CDPF1: variants seen among roughly 807,000 people sequenced by gnomAD.
CDPF1 encodes cysteine rich DPF motif domain containing 1, also known as cysteine-rich DPF motif domain-containing protein 1.
CDPF1 carries 8 observed loss-of-function variants against 8.3 expected under a neutral mutation model. The observed-to-expected ratio is 0.96, with a 90% CI of 0.57 to 1.74. The LOEUF (loss-of-function observed/expected upper bound fraction) is 1.74. Among genes scored for constraint, CDPF1 ranks in the 40% most tolerant of loss-of-function variants. CDPF1 has a pLI of 0.00. For synonymous variants in CDPF1, 62 were observed against 62.9 expected, an observed-to-expected ratio of 0.99 and a Z score of 0.07; for missense variants, 151 against 155.3, an observed-to-expected ratio of 0.97 and a Z score of 0.15.
At position 46,246,516 on chromosome 22, in the gene CDPF1, G is replaced by A. The variant is rs1253668810; in HGVS notation, c.225+594C>T. On this transcript the variant is annotated intron_variant, in intron 3 of 3. Transcript: ENST00000314567. The surrounding 1 kb of genome is among the most constrained non-coding windows in gnomAD (Gnocchi z 7.1). ...TGCTCAGGGACTTCTCAGACTCTGG[G>A]GTCACTCTGAGTACACTGGGCACGC... Among the ~76,000 whole-genome samples the A allele has an allele frequency of 2.0e-5, 3 of 152,062 alleles. No individual in the cohort carries two copies. The East Asian group carries it at 5.8e-4, about 29-fold the overall frequency.
In CDPF1 at chr22:46,246,496, A is replaced by T. The variant is rs1483109967; in HGVS notation, c.225+614T>A. 6.6e-6 allele frequency among the ~76,000 whole-genome samples: 1 copy of T among 152,178 alleles called. No individual in the cohort carries two copies. The highest frequency in any genetic ancestry group is 1.5e-5 in the Non-Finnish European group (1 of 68,026). Reference sequence around the variant, plus strand: ...GTGTGTCAACCTGTGGCAGATGCTCAGGGACTTCTCAGACTCTGGGGTCAC... The same window carrying T: ...GTGTGTCAACCTGTGGCAGATGCTCTGGGACTTCTCAGACTCTGGGGTCAC... On this transcript the variant is annotated intron_variant, in intron 3 of 3. Coordinates refer to ENST00000314567, the MANE Select transcript of CDPF1 (RefSeq NM_207327.5). The surrounding 1 kb of genome is among the most constrained non-coding windows in gnomAD (Gnocchi z 7.1).
chr22:46,248,694 C>T lies in CDPF1; in HGVS notation c.1-410G>A, dbSNP rs1936529574. 6.6e-6 allele frequency among the ~76,000 whole-genome samples: 1 copy of T among 152,196 alleles called. No homozygotes were observed. The highest frequency in any genetic ancestry group is 3.2e-3 in the Middle Eastern group (1 of 316). ...CTGCTGCTCCTAGAAGCTCTATGCC[C>T]TCACATTAGTCCACACGTGGTGTGG... On this transcript the variant is annotated intron_variant, in intron 1 of 3. Transcript: ENST00000314567. This position sits in a 1 kb window ranked among gnomAD's most constrained non-coding sequence, Gnocchi z 4.1.
Position 46,246,109 on chromosome 22 carries a change from C to T in CDPF1, c.226-871G>A, listed in dbSNP as rs1458033403. 6.6e-6 allele frequency among the ~76,000 whole-genome samples: 1 copy of T among 152,222 alleles called. No individual in the cohort carries two copies. The highest frequency in any genetic ancestry group is 2.4e-5 in the African/African-American group (1 of 41,446). On this transcript the variant is annotated intron_variant, in intron 3 of 3. Coordinates refer to ENST00000314567, the MANE Select transcript of CDPF1 (RefSeq NM_207327.5). This position sits in a 1 kb window ranked among gnomAD's most constrained non-coding sequence, Gnocchi z 7.1. ...TTTTGGTGTCTGTCTGTTCTTAAAGCTTAGTGTGCTCGCAAACATAAGGCT... is the reference window on the plus strand; with the variant it reads ...TTTTGGTGTCTGTCTGTTCTTAAAGTTTAGTGTGCTCGCAAACATAAGGCT...
Position 46,247,480 on chromosome 22 carries a change from C to A in CDPF1, c.114-259G>T, listed in dbSNP as rs1044243531. ...CATGGTAGAGAGAACCCCTTGTTCTCAGCCAAAAGCAGGGCTGCTGCAACA... is the reference window on the plus strand; with the variant it reads ...CATGGTAGAGAGAACCCCTTGTTCTAAGCCAAAAGCAGGGCTGCTGCAACA... On this transcript the variant is annotated intron_variant, in intron 2 of 3. Coordinates refer to ENST00000314567, the MANE Select transcript of CDPF1 (RefSeq NM_207327.5). The surrounding 1 kb of genome is among the most constrained non-coding windows in gnomAD (Gnocchi z 4.3). Among the ~76,000 whole-genome samples the A allele has an allele frequency of 1.3e-5, 2 of 152,202 alleles. No homozygotes were observed. Among genetic ancestry groups the A allele is most frequent in the Admixed American group, 6.5e-5 (1 of 15,282 alleles).
In CDPF1 at chr22:46,249,803, C is replaced by G. The variant is rs1936549697; in HGVS notation, c.-1+453G>C. On this transcript the variant is annotated intron_variant, in intron 1 of 3. Coordinates refer to ENST00000314567, the MANE Select transcript of CDPF1 (RefSeq NM_207327.5). The surrounding 1 kb of genome is among the most constrained non-coding windows in gnomAD (Gnocchi z 4.6). ...TGGGGGGGCGGAGGTTGCGGTGAGC[C>G]GAGATCGCGCCACTGCATTCCAGCC... Among the ~76,000 whole-genome samples, 1 of 152,160 alleles carries G rather than the reference C, an allele frequency of 6.6e-6. No homozygotes were observed. Among genetic ancestry groups the G allele is most frequent in the East Asian group, 1.9e-4 (1 of 5,144 alleles).
rs1330193591 is a variant in CDPF1, at chr22:46,245,184, T to C, written c.280A>G (p.Ile94Val). The C allele has an allele frequency of 1.2e-6, 2 of 1,614,120 alleles. No homozygotes were observed. Among genetic ancestry groups the C allele is most frequent in the Non-Finnish European group, 1.7e-6 (2 of 1,180,036 alleles). The change falls in exon 4 of 4, where the codon ATC (isoleucine) becomes GTC (valine). Residue 94 changes from isoleucine (I) to valine (V), a missense_variant. Ile to Val is a conservative substitution (Grantham distance 29). Transcript: ENST00000314567. The surrounding 1 kb of genome is among the most constrained non-coding windows in gnomAD (Gnocchi z 6.9). ...RFCLPCVREN[I>V]NAFPQEIRQD... ...CGAATTTCCTGAGGAAAAGCATTGATGTTCTCCCGGACACAAGGGAGGCAG... is the reference window on the plus strand; with the variant it reads ...CGAATTTCCTGAGGAAAAGCATTGACGTTCTCCCGGACACAAGGGAGGCAG...
chr22:46,246,971 C>T lies in CDPF1; in HGVS notation c.225+139G>A. ...CTGACCCTAGCTTGCCCTCTCACCT[C>T]TCCCCTTCATCAGCTGAGGGGCCCC... On this transcript the variant is annotated intron_variant, in intron 3 of 3. Coordinates refer to ENST00000314567, the MANE Select transcript of CDPF1 (RefSeq NM_207327.5). The surrounding 1 kb of genome is among the most constrained non-coding windows in gnomAD (Gnocchi z 7.1). The T allele has an allele frequency of 7.9e-7, 1 of 1,259,272 alleles. No homozygotes were observed. Among genetic ancestry groups the T allele is most frequent in the Non-Finnish European group, 1.1e-6 (1 of 905,722 alleles). 78.0% of individuals were successfully genotyped at this position (1,259,272 alleles called of 1,614,324 possible).
Position 46,248,848 on chromosome 22 carries a change from C to A in CDPF1, c.1-564G>T, listed in dbSNP as rs1212724878. Among the ~76,000 whole-genome samples, 3 of 152,080 alleles carry A rather than the reference C, an allele frequency of 2.0e-5. No individual in the cohort carries two copies. The highest frequency in any genetic ancestry group is 4.4e-5 in the Non-Finnish European group (3 of 68,016). On this transcript the variant is annotated intron_variant, in intron 1 of 3. Transcript: ENST00000314567. This position sits in a 1 kb window ranked among gnomAD's most constrained non-coding sequence, Gnocchi z 4.1. ...ATCTAGCTAACATGGTGAAACCCCG[C>A]CTCTACTAAAAATACAAAAAATTAG...
In CDPF1 at chr22:46,245,442, C is replaced by T. The variant is rs1169758151; in HGVS notation, c.226-204G>A. 6.6e-6 allele frequency among the ~76,000 whole-genome samples: 1 copy of T among 152,114 alleles called. No individual in the cohort carries two copies. The highest frequency in any genetic ancestry group is 6.5e-5 in the Admixed American group (1 of 15,268). ...GTGTCCAGGAGAAAAGCAATGCAGGCCTGGGCTACCCTGGGTGGGAACAGC... is the reference window on the plus strand; with the variant it reads ...GTGTCCAGGAGAAAAGCAATGCAGGTCTGGGCTACCCTGGGTGGGAACAGC... On this transcript the variant is annotated intron_variant, in intron 3 of 3. Transcript: ENST00000314567. This position sits in a 1 kb window ranked among gnomAD's most constrained non-coding sequence, Gnocchi z 6.9.
rs184463589 is a variant in CDPF1, at chr22:46,245,479, A to C, written c.226-241T>G. Among the ~76,000 whole-genome samples the C allele has an allele frequency of 6.6e-6, 1 of 152,324 alleles. No individual in the cohort carries two copies. The highest frequency in any genetic ancestry group is 1.5e-5 in the Non-Finnish European group (1 of 68,016). On this transcript the variant is annotated intron_variant, in intron 3 of 3. Transcript: ENST00000314567. This position sits in a 1 kb window ranked among gnomAD's most constrained non-coding sequence, Gnocchi z 6.9. ...TGGGTGGGAACAGCTGGGATGGGAC[A>C]GAAAGACTCTGGGGCCTGCTCTGCT...
In CDPF1 at chr22:46,246,674, T is replaced by C; in HGVS notation, c.225+436A>G. On this transcript the variant is annotated intron_variant, in intron 3 of 3. Transcript: ENST00000314567. The surrounding 1 kb of genome is among the most constrained non-coding windows in gnomAD (Gnocchi z 7.1). Reference sequence around the variant, plus strand: ...GGGTGGAATATAATACTGCTTTACCTGACTAAGGGGCAGGACTGAATGAAG... The same window carrying C: ...GGGTGGAATATAATACTGCTTTACCCGACTAAGGGGCAGGACTGAATGAAG... 3 of 1,573,304 alleles carry C rather than the reference T, an allele frequency of 1.9e-6. No homozygotes were observed. The highest frequency in any genetic ancestry group is 2.6e-6 in the Non-Finnish European group (3 of 1,159,936).
In CDPF1 at chr22:46,247,530, C is replaced by A. The variant is rs1185689805; in HGVS notation, c.114-309G>T. On this transcript the variant is annotated intron_variant, in intron 2 of 3. Transcript: ENST00000314567. The surrounding 1 kb of genome is among the most constrained non-coding windows in gnomAD (Gnocchi z 4.3). ...ATGGGCCCCCAGACCCTGACTGATT[C>A]ACCACAGTGGGGGCACAAGGCTGCC... Among the ~76,000 whole-genome samples the A allele has an allele frequency of 6.6e-6, 1 of 152,178 alleles. No individual in the cohort carries two copies. Among genetic ancestry groups the A allele is most frequent in the Non-Finnish European group, 1.5e-5 (1 of 68,008 alleles).
In CDPF1 at chr22:46,249,785, G is replaced by T. The variant is rs989710611; in HGVS notation, c.-1+471C>A. Among the ~76,000 whole-genome samples the T allele has an allele frequency of 1.3e-5, 2 of 151,994 alleles. No homozygotes were observed. Among genetic ancestry groups the T allele is most frequent in the Non-Finnish European group, 2.9e-5 (2 of 67,962 alleles). ...GGGTTGGGGAGCGGGGGCTGGGGGG[G>T]CGGAGGTTGCGGTGAGCCGAGATCG... is the stretch of plus-strand genomic sequence containing the variant. On this transcript the variant is annotated intron_variant, in intron 1 of 3. Transcript: ENST00000314567. This position sits in a 1 kb window ranked among gnomAD's most constrained non-coding sequence, Gnocchi z 4.6.
At chr22:46,250,095 C>G (rs895120155) in intron 1 of CDPF1, among the ~76,000 whole-genome samples, 161 bp downstream of exon 1, 10 of 152,224 alleles carry the variant, frequency 6.6e-5, no homozygotes, top group Admixed American at 6.5e-5. Flanking sequence ...TTCTCGGTCC[C>G]GTCCCCAAAG....
At position 46,245,370 on chromosome 22, in the gene CDPF1, A is replaced by T. The variant is rs1324137982; in HGVS notation, c.226-132T>A. On this transcript the variant is annotated intron_variant, in intron 3 of 3. Coordinates refer to ENST00000314567, the MANE Select transcript of CDPF1 (RefSeq NM_207327.5). This position sits in a 1 kb window ranked among gnomAD's most constrained non-coding sequence, Gnocchi z 6.9. ...GCATGCACAGTGTGGGCAGGTGGCC[A>T]GAGCTAGACCAGCAAGAGGGAGAGC... 1 of 897,660 alleles carries T rather than the reference A, an allele frequency of 1.1e-6. No individual in the cohort carries two copies. Among genetic ancestry groups the T allele is most frequent in the Non-Finnish European group, 1.7e-6 (1 of 598,098 alleles). 55.6% of individuals were successfully genotyped at this position (897,660 alleles called of 1,614,324 possible).
In CDPF1 at chr22:46,245,299, C is replaced by G; in HGVS notation, c.226-61G>C. ...CCTGGGAACATGGTGCAGCTCCTCC[C>G]AGGGGCCAGCCCTTCCCACACTTGG... On this transcript the variant is annotated intron_variant, in intron 3 of 3. Transcript: ENST00000314567. This position sits in a 1 kb window ranked among gnomAD's most constrained non-coding sequence, Gnocchi z 6.9. 6.3e-7 allele frequency: 1 copy of G among 1,578,372 alleles called. No homozygotes were observed. The highest frequency in any genetic ancestry group is 1.1e-5 in the South Asian group (1 of 87,150).
rs759178978 is a variant in CDPF1, at chr22:46,248,144, G to A, written c.113+28C>T. The A allele has an allele frequency of 8.4e-6, 13 of 1,544,166 alleles. No individual in the cohort carries two copies. Among genetic ancestry groups the A allele is most frequent in the South Asian group, 4.5e-5 (4 of 88,458 alleles). On this transcript the variant is annotated intron_variant, in intron 2 of 3. Transcript: ENST00000314567. This position sits in a 1 kb window ranked among gnomAD's most constrained non-coding sequence, Gnocchi z 4.1. ...ACCAGCACTGGGCACAGGCCTCCCCGGCACTGGCCCAAAAGGCATGCACTC... is the reference window on the plus strand; with the variant it reads ...ACCAGCACTGGGCACAGGCCTCCCCAGCACTGGCCCAAAAGGCATGCACTC...
chr22:46,244,909 T>C lies in CDPF1; in HGVS notation c.*183A>G, dbSNP rs1016328513. On this transcript the variant is annotated 3_prime_UTR_variant, in exon 4 of 4. Transcript: ENST00000314567. The surrounding 1 kb of genome is among the most constrained non-coding windows in gnomAD (Gnocchi z 6.7). ...ATCTGCCTTTGGACTACCCTCTTGC[T>C]ACAGCTCCCTGGGCCTGTGGCTGCT... 5.6e-6 allele frequency: 4 copies of C among 712,768 alleles called. No individual in the cohort carries two copies. The highest frequency in any genetic ancestry group is 4.5e-6 in the Non-Finnish European group (2 of 440,098). 44.2% of individuals were successfully genotyped at this position (712,768 alleles called of 1,614,324 possible).
At position 46,245,099 on chromosome 22, in the gene CDPF1, C is replaced by A; in HGVS notation, c.365G>T (p.Arg122Leu). The A allele has an allele frequency of 6.2e-7, 1 of 1,614,146 alleles. No homozygotes were observed. The highest frequency in any genetic ancestry group is 8.5e-7 in the Non-Finnish European group (1 of 1,179,960). ...ACCTAGCCCCAGTTGCACTCACGTC[C>A]GAGAACCGGGCTGGCTGGGGGTCCT... ...SKRTPSQPGS[R>L]T The change falls in exon 4 of 4, where the codon CGG (arginine) becomes CTG (leucine). Residue 122 changes from arginine (R) to leucine (L), a missense_variant. Arg to Leu is a moderately radical substitution (Grantham distance 102). Coordinates refer to ENST00000314567, the MANE Select transcript of CDPF1 (RefSeq NM_207327.5). This position sits in a 1 kb window ranked among gnomAD's most constrained non-coding sequence, Gnocchi z 6.9.
Sources: allele counts gnomAD v4.1 joint callset (sites outside exome capture counted in the v4.1 genomes callset), GRCh38; gene constraint gnomAD v4.1.1; non-coding constraint Gnocchi (gnomAD v3.1); transcripts MANE v1.5; gene names NCBI Gene and HGNC (gene_info 2026-07-23, HGNC 2026-07-21).